The following CD44 variants were observed in gnomAD, a reference collection of about 807,000 sequenced individuals.
CD44 encodes the protein CD44 molecule (IN blood group), also known as CD44 antigen.
CD44 carries 49 observed loss-of-function variants against 88.8 expected under a neutral mutation model. The observed-to-expected ratio is 0.55, with a 90% CI of 0.44 to 0.70. The LOEUF (loss-of-function observed/expected upper bound fraction) is 0.70. CD44 is among the 30% of genes least tolerant of loss of function. CD44 has a pLI of 0.00. For missense variants in CD44, 883 were observed against 913.8 expected, an observed-to-expected ratio of 0.97 and a Z score of 0.43; for synonymous variants, 325 against 312.3, an observed-to-expected ratio of 1.04 and a Z score of -0.43.
chr11:35,174,186 G>C (rs946590725), intron 1 of CD44, among the ~76,000 whole-genome samples: 2 of 152,178 alleles, frequency 1.3e-5, no homozygotes, highest in East Asian at 3.8e-4. Flanking sequence ...GCTCTAGATA[G>C]AGGTACTCAC....
In CD44 at chr11:35,223,048, T is replaced by C. The variant is rs563341665; in HGVS notation, c.2024+1316T>C. 22 of 985,290 alleles carry C rather than the reference T, an allele frequency of 2.2e-5. No homozygotes were observed. The African/African-American group carries it at 3.7e-4, about 16-fold the overall frequency. The allele number at this position is 985,290 out of a possible 1,614,324, so 61.0% of individuals were successfully genotyped here. A position where few individuals can be genotyped will look rare whatever the true frequency, so the allele number is the denominator to read the frequency against. ...GTTACAATAATTACGCTGGTACAAGTTAATAAAAGTGCCATGTTACAGTCA... is the reference window on the plus strand; with the variant it reads ...GTTACAATAATTACGCTGGTACAAGCTAATAAAAGTGCCATGTTACAGTCA... On this transcript the variant is annotated intron_variant, in intron 17 of 17. Transcript: ENST00000428726.
chr11:35,176,280 G>T (rs1254251519), intron 1 of CD44, among the ~76,000 whole-genome samples: 2 of 152,068 alleles, frequency 1.3e-5, no homozygotes, highest in Non-Finnish European at 2.9e-5. Context: ...CTGACCTTGT[G>T]ATCCGCCCGC....
At chr11:35,209,474 G>A (rs562056672) in intron 12 of CD44, among the ~76,000 whole-genome samples, 15 of 152,140 alleles carry the variant, frequency 9.9e-5, no homozygotes, top group Non-Finnish European at 2.1e-4. Context: ...TACTTGAGTA[G>A]GCTATTCTAG....
Position 35,157,473 on chromosome 11 carries a change from A to T in CD44, c.67+18103A>T, listed in dbSNP as rs186833950. ...TATTTATATCTATCATCTATCTGCC[A>T]TATATCTATCTCTATCTCTTAATTG... On this transcript the variant is annotated intron_variant, in intron 1 of 17. Transcript: ENST00000428726. Among the ~76,000 whole-genome samples the T allele has an allele frequency of 3.0e-3, 460 of 152,162 alleles. 2 individuals carry two copies. Among genetic ancestry groups the T allele is most frequent in the Non-Finnish European group, 5.1e-3 (346 of 68,008 alleles).
In CD44 at chr11:35,204,564, G is replaced by C; in HGVS notation, c.1206G>C (p.Gln402His). Reference protein sequence around the residue: ...TTEETATQKEQWFGNRWHEGY... With the variant: ...TTEETATQKEHWFGNRWHEGY... Reference sequence around the variant, plus strand: ...AAGAAACAGCTACCCAGAAGGAACAGTGGTTTGGCAACAGATGGCATGAGG... The same window carrying C: ...AAGAAACAGCTACCCAGAAGGAACACTGGTTTGGCAACAGATGGCATGAGG... Residue 402 changes from glutamine (Q) to histidine (H), a missense_variant, in exon 10 of 18, where the codon CAG becomes CAC. By Grantham distance (24) the Gln-to-His change is conservative. Coordinates refer to ENST00000428726, the MANE Select transcript of CD44 (RefSeq NM_000610.4). 1 of 1,613,492 alleles carries C rather than the reference G, an allele frequency of 6.2e-7. No individual in the cohort carries two copies. The highest frequency in any genetic ancestry group is 8.5e-7 in the Non-Finnish European group (1 of 1,179,504).
At chr11:35,149,329 G>A (rs186891025) in intron 1 of CD44, among the ~76,000 whole-genome samples, 25 of 152,338 alleles carry the variant, frequency 1.6e-4, no homozygotes, top group African/African-American at 6.0e-4. Context: ...AGATGAGGAG[G>A]TCTGGCTTTG....
At position 35,196,832 on chromosome 11, in the gene CD44, T is replaced by A; in HGVS notation, c.754T>A (p.Ser252Thr). Residue 252 changes from serine (S) to threonine (T), a missense_variant, in exon 6 of 18, where the codon TCA becomes ACA. Ser to Thr is a moderately conservative substitution (Grantham distance 58). This residue lies in a region of CD44 where 631 missense variants were observed against 590.9 expected (regional missense o/e 1.07). Transcript: ENST00000428726. ...TTGGTTTTCATGGTTGTTTCTACCATCAGAGTCAAAGAATCATCTTCACAC... is the reference window on the plus strand; with the variant it reads ...TTGGTTTTCATGGTTGTTTCTACCAACAGAGTCAAAGAATCATCTTCACAC... ...WDWFSWLFLP[S>T]ESKNHLHTTT... 5.0e-6 allele frequency: 8 copies of A among 1,613,736 alleles called. No individual in the cohort carries two copies. Among genetic ancestry groups the A allele is most frequent in the Non-Finnish European group, 6.8e-6 (8 of 1,179,756 alleles).
At position 35,221,722 on chromosome 11, in the gene CD44, A is replaced by G. The variant is rs929186073; in HGVS notation, c.2014A>G (p.Ser672Gly). The G allele has an allele frequency of 4.3e-6, 7 of 1,613,910 alleles. No individual in the cohort carries two copies. The highest frequency in any genetic ancestry group is 5.9e-6 in the Non-Finnish European group (7 of 1,179,870). Residue 672 changes from serine (S) to glycine (G), a missense_variant, in exon 17 of 18, where the codon AGT (serine) becomes GGT (glycine). By Grantham distance (56) the Ser-to-Gly change is moderately conservative. Transcript: ENST00000428726. ...LILAVCIAVN[S>G]RRRCGQKKKL... ...TCTTGCAGTTTGCATTGCAGTCAAC[A>G]GTCGAAGAAGGTAAGGGGCTGTCCT...
intron 1 of CD44, among the ~76,000 whole-genome samples, chr11:35,176,326 G>T: frequency 6.6e-6 from 1 of 152,030 alleles, no homozygotes; most frequent in Non-Finnish European, 1.5e-5. Context: ...ACAGGCTTGA[G>T]CCACCGCGCC....
At chr11:35,143,314 G>A (rs533226502) in intron 1 of CD44, among the ~76,000 whole-genome samples, 2 of 151,488 alleles carry the variant, frequency 1.3e-5, no homozygotes, top group South Asian at 4.2e-4. Flanking sequence ...CCTGTGTAAA[G>A]CAGGGTCCTA....
intron 15 of CD44, among the ~76,000 whole-genome samples, chr11:35,218,596 G>A (rs1949032231): frequency 6.6e-6 from 1 of 152,138 alleles, no homozygotes; most frequent in Admixed American, 6.5e-5. Context: ...CAAAGTACTG[G>A]GATTACAGGC....
chr11:35,150,593 T>C (rs909263340), intron 1 of CD44, among the ~76,000 whole-genome samples: 2 of 152,258 alleles, frequency 1.3e-5, no homozygotes, highest in Non-Finnish European at 2.9e-5. Flanking sequence ...ACAGCTCCTT[T>C]TGGTTGTGCT....
intron 1 of CD44, among the ~76,000 whole-genome samples, chr11:35,169,696 G>A (rs199970727): frequency 3.3e-5 from 5 of 152,146 alleles, no homozygotes; most frequent in African/African-American, 7.2e-5. Flanking sequence ...ATTATTCCTC[G>A]CAGGCCCTAC....
chr11:35,156,300 A>G (rs7952514), intron 1 of CD44, among the ~76,000 whole-genome samples: 18,201 of 152,116 alleles, frequency 0.12, 1,401 homozygotes, highest in African/African-American at 0.21. Flanking sequence ...ACATCATGGG[A>G]GGAAGTCTTC....
chr11:35,178,713 A>T (rs1234982260), intron 2 of CD44, among the ~76,000 whole-genome samples: 1 of 152,230 alleles, frequency 6.6e-6, no homozygotes, highest in Non-Finnish European at 1.5e-5. Flanking sequence ...TACAAAGAGA[A>T]TGCAATAGAT....
intron 1 of CD44, among the ~76,000 whole-genome samples, chr11:35,166,668 G>C (rs1943309401): frequency 6.6e-6 from 1 of 152,222 alleles, no homozygotes; most frequent in Non-Finnish European, 1.5e-5. Context: ...GAAATCAGGG[G>C]GTCCAGCCAG....
At chr11:35,207,104 G>A (rs1427615213) in intron 11 of CD44, among the ~76,000 whole-genome samples, 1 of 152,228 alleles carries the variant, frequency 6.6e-6, no homozygotes, top group Non-Finnish European at 1.5e-5. Flanking sequence ...TTTTCTGGGA[G>A]AATGTCCATT....
intron 10 of CD44, chr11:35,205,824 C>G (rs1947777162): frequency 9.6e-7 from 1 of 1,045,652 alleles, no homozygotes; most frequent in East Asian, 7.5e-5. Context: ...AAGTACTTCT[C>G]CTTCATCTTC....
intron 12 of CD44, among the ~76,000 whole-genome samples, 157 bp downstream of exon 12, chr11:35,208,363 T>C (rs946379423): frequency 2.6e-5 from 4 of 152,360 alleles, no homozygotes; most frequent in African/African-American, 9.6e-5. Context: ...GTATTTCTTG[T>C]GGAGGTCTCT....
Sources: allele counts gnomAD v4.1 joint callset (sites outside exome capture counted in the v4.1 genomes callset), GRCh38; gene constraint gnomAD v4.1.1; regional missense constraint gnomAD v4.1.1; transcripts MANE v1.5; gene names NCBI Gene and HGNC (gene_info 2026-07-23, HGNC 2026-07-21).